Variants in OSBPL9 observed in about 807,000 individuals in gnomAD.
OSBPL9 encodes the protein oxysterol-binding protein-related protein 9.
OSBPL9 carries 40 observed loss-of-function variants against 106.6 expected under a neutral mutation model. The observed-to-expected ratio is 0.38, with a 90% CI of 0.29 to 0.49. The LOEUF (loss-of-function observed/expected upper bound fraction) is 0.49. OSBPL9 is among the 20% of genes least tolerant of loss of function. The probability of loss-of-function intolerance (pLI) is 0.97; values close to 1 mark genes in which losing one functional copy is unlikely to be tolerated. For synonymous variants in OSBPL9, 269 were observed against 295.4 expected, an observed-to-expected ratio of 0.91 and a Z score of 0.92; for missense variants, 609 against 887.2, an observed-to-expected ratio of 0.69 and a Z score of 3.98.
chr1:51,782,726 G>A (rs1224399860), intron 17 of OSBPL9, 83 bp downstream of exon 17: 2 of 1,203,122 alleles, frequency 1.7e-6, no homozygotes, highest in East Asian at 2.4e-5. Flanking sequence ...ATAGCTGAGG[G>A]TACTGTCAGT....
At chr1:51,678,610 G>A (rs533552571) in intron 3 of OSBPL9, among the ~76,000 whole-genome samples, 3 of 151,760 alleles carry the variant, frequency 2.0e-5, no homozygotes, top group African/African-American at 4.8e-5. Context: ...GCAGTGAGCC[G>A]AGATCATGCC....
chr1:51,701,152 C>G (rs913853425), intron 3 of OSBPL9, among the ~76,000 whole-genome samples: 1 of 152,172 alleles, frequency 6.6e-6, no homozygotes, highest in African/African-American at 2.4e-5. Context: ...ATTGGCCAGG[C>G]TGGTCTCAAA....
chr1:51,522,353 C>T, the OSBPL9 span, among the ~76,000 whole-genome samples: 2 of 152,146 alleles, frequency 1.3e-5, no homozygotes, highest in African/African-American at 4.8e-5. Flanking sequence ...TTCCAGACCA[C>T]TAGTAATTTG....
chr1:51,527,204 T>C, the OSBPL9 span, among the ~76,000 whole-genome samples: 1 of 152,086 alleles, frequency 6.6e-6, no homozygotes, highest in Non-Finnish European at 1.5e-5. Flanking sequence ...TGACCCTCAG[T>C]TTCATGCAGA....
intron 2 of OSBPL9, among the ~76,000 whole-genome samples, chr1:51,667,987 A>G (rs1481585757): frequency 6.6e-6 from 1 of 152,248 alleles, no homozygotes; most frequent in Non-Finnish European, 1.5e-5. Context: ...GGGTTCATCC[A>G]GATAGCCTCT....
chr1:51,574,567 C>T (rs775390853), upstream of OSBPL9, among the ~76,000 whole-genome samples: 8 of 151,796 alleles, frequency 5.3e-5, no homozygotes, highest in South Asian at 4.1e-4. Context: ...TGCAGTGAGC[C>T]GAGAATGCAC....
rs527918394 is a variant in OSBPL9 at position 51,581,480 on chromosome 1, A to G, written c.-423+4224A>G. Among the ~76,000 whole-genome samples, 4 of 152,306 alleles carry G rather than the reference A, an allele frequency of 2.6e-5. No individual in the cohort carries two copies. The South Asian group carries it at 8.3e-4, about 32-fold the overall frequency. The stretch of plus-strand genomic sequence containing the variant: ...ATACTGCACTCTTTAAAAGAAAGTC[A>G]ATATGTACAGTCCACACTTAAGCAG... On this transcript the variant is annotated intron_variant, in intron 1 of 25. Coordinates refer to the OSBPL9 transcript ENST00000371714.
At position 51,714,089 on chromosome 1, in the gene OSBPL9, T is replaced by G; in HGVS notation, c.318+10T>G. On this transcript the variant is annotated intron_variant, in intron 4 of 23. Coordinates refer to ENST00000428468, the MANE Select transcript of OSBPL9 (RefSeq NM_024586.6). ...TACTCTCCAGCTTCAAGTAAGGGTC[T>G]TTACATGGTTTCCAGATAGTTCATT... 6.3e-7 allele frequency: 1 copy of G among 1,591,342 alleles called. No individual in the cohort carries two copies. Among genetic ancestry groups the G allele is most frequent in the South Asian group, 1.1e-5 (1 of 87,360 alleles).
chr1:51,722,839 G>T (rs981714501), intron 4 of OSBPL9, among the ~76,000 whole-genome samples: 1 of 152,194 alleles, frequency 6.6e-6, no homozygotes, highest in Non-Finnish European at 1.5e-5. Context: ...GAGACTTCTG[G>T]GAACCAGTCA....
the OSBPL9 span, chr1:51,565,920 G>A: frequency 6.6e-6 from 1 of 152,130 alleles, no homozygotes; most frequent in Non-Finnish European, 1.5e-5. Flanking sequence ...ATCCCTAGAG[G>A]GCAAGGGTTG....
intron 4 of OSBPL9, among the ~76,000 whole-genome samples, chr1:51,741,579 T>C (rs1666931132): frequency 6.6e-6 from 1 of 151,500 alleles, no homozygotes; most frequent in South Asian, 2.1e-4. Context: ...CTTTCTTTTT[T>C]TTTTGAGGGT....
the OSBPL9 span, among the ~76,000 whole-genome samples, chr1:51,539,581 C>T: frequency 6.6e-6 from 1 of 152,170 alleles, no homozygotes; most frequent in Non-Finnish European, 1.5e-5. Context: ...TTATTAGTGT[C>T]TATTATGTGC....
upstream of OSBPL9, among the ~76,000 whole-genome samples, chr1:51,575,682 A>G (rs1645179620): frequency 1.3e-5 from 2 of 152,144 alleles, no homozygotes; most frequent in South Asian, 2.1e-4. Context: ...GAAAGAGTTA[A>G]GAACATGGCA....
intron 1 of OSBPL9, among the ~76,000 whole-genome samples, chr1:51,632,998 T>G (rs1645201960): frequency 6.6e-6 from 1 of 151,958 alleles, no homozygotes; most frequent in Admixed American, 6.6e-5. Flanking sequence ...TGAGACCGAG[T>G]CTTACTCTGT....
At chr1:51,737,612 G>A (rs572089951) in intron 4 of OSBPL9, among the ~76,000 whole-genome samples, 7 of 151,194 alleles carry the variant, frequency 4.6e-5, no homozygotes, top group Admixed American at 6.6e-5. Flanking sequence ...CTTCTAGTGC[G>A]TAAGTAAAAT....
the OSBPL9 span, among the ~76,000 whole-genome samples, chr1:51,518,792 CG>C: frequency 5.3e-5 from 8 of 151,294 alleles, no homozygotes; most frequent in South Asian, 1.5e-3. Context: ...GGGGTGCGGC[CG>C]GCCCGCGCGA....
At chr1:51,609,611 A>G (rs1409911943) in intron 2 of OSBPL9, among the ~76,000 whole-genome samples, 1 of 149,574 alleles carries the variant, frequency 6.7e-6, no homozygotes, top group Non-Finnish European at 1.5e-5. Flanking sequence ...TCAACCTCCC[A>G]AAGTGCTGGA....
intron 20 of OSBPL9, chr1:51,785,369 C>T (rs1252694662): frequency 6.1e-6 from 1 of 164,558 alleles, no homozygotes; most frequent in African/African-American, 2.4e-5. Flanking sequence ...TTCACACCAT[C>T]TGGCACAGAG....
upstream of OSBPL9, among the ~76,000 whole-genome samples, chr1:51,615,073 A>G (rs1364356768): frequency 6.6e-6 from 1 of 152,192 alleles, no homozygotes; most frequent in Non-Finnish European, 1.5e-5. Flanking sequence ...CAGCCTGGCC[A>G]ACATGGTGAA....
Sources: allele counts gnomAD v4.1 joint callset (sites outside exome capture counted in the v4.1 genomes callset), GRCh38; gene constraint gnomAD v4.1.1; transcripts MANE v1.5; gene names NCBI Gene and HGNC (gene_info 2026-07-23, HGNC 2026-07-21).